The following ORC3 variants were observed in gnomAD, a reference collection of about 807,000 sequenced individuals.
ORC3 encodes the protein homolog of latheo, Drosophila.
In ORC3, 78 loss-of-function variants were observed where a neutral mutation model predicts 100.7. The ratio of observed to expected loss-of-function variants is 0.77; its 90% confidence interval spans 0.65 to 0.94. ORC3 has a LOEUF of 0.94. ORC3 is among the 40% of genes least tolerant of loss of function. The pLI is 0.00. For missense variants in ORC3, 789 were observed against 823.9 expected (o/e 0.96, Z 0.52); for synonymous variants, 295 against 289.3 (o/e 1.02, Z -0.20).
At chr6:87,659,150 G>A (rs1010650933) in intron 16 of ORC3, among the ~76,000 whole-genome samples, 6 of 139,852 alleles carry the variant, frequency 4.3e-5, no homozygotes, top group Admixed American at 7.8e-5. Flanking sequence ...TGCAACCTCC[G>A]CCTCCCGGGT....
At chr6:87,620,727 C>T (rs924672646) in intron 9 of ORC3, among the ~76,000 whole-genome samples, 2 of 152,056 alleles carry the variant, frequency 1.3e-5, no homozygotes, top group African/African-American at 4.8e-5. Flanking sequence ...ACAAGATTAT[C>T]CAAACGTTCA....
chr6:87,610,554 T>A lies in ORC3; in HGVS notation c.713+1325T>A, dbSNP rs1165482903. On this transcript the variant is annotated intron_variant, in intron 7 of 19. Coordinates refer to ENST00000392844, the MANE Select transcript of ORC3 (RefSeq NM_012381.4). The stretch of plus-strand genomic sequence containing the variant: ...AATATACTTTATTTTTTTTTATTTT[T>A]TATTTTTTTTGAGACGGAGTCTCGC... Among the ~76,000 whole-genome samples the A allele has an allele frequency of 2.0e-5, 3 of 149,140 alleles. 1 individual carries two copies. The highest frequency in any genetic ancestry group is 7.6e-5 in the African/African-American group (3 of 39,626).
Position 87,649,950 on chromosome 6 carries a change from A to C in ORC3, c.1383-3166A>C, listed in dbSNP as rs1348506019. On this transcript the variant is annotated intron_variant, in intron 13 of 19. Coordinates refer to ENST00000392844, the MANE Select transcript of ORC3 (RefSeq NM_012381.4). ...TTAGTAGGTTTTGTTACCATTTTGA[A>C]CATGGGCTTTTTTTTCATTATGTAG... Among the ~76,000 whole-genome samples, 8 of 151,974 alleles carry C rather than the reference A, an allele frequency of 5.3e-5. No homozygotes were observed. The East Asian group carries it at 7.7e-4, about 15-fold the overall frequency.
intron 2 of ORC3, among the ~76,000 whole-genome samples, chr6:87,597,170 AATTC>A (rs1777510129): frequency 6.6e-6 from 1 of 152,174 alleles, no homozygotes; most frequent in African/African-American, 2.4e-5. Context: ...CTAAAAATAA[AATTC>A]ATTCATGTTT....
At chr6:87,641,132 C>T (rs377423653) in intron 13 of ORC3, among the ~76,000 whole-genome samples, 5 of 151,850 alleles carry the variant, frequency 3.3e-5, no homozygotes, top group African/African-American at 9.7e-5. Context: ...ATCAGAGCCT[C>T]AACTTAAAGG....
chr6:87,597,607 G>A (rs760291312), intron 2 of ORC3, among the ~76,000 whole-genome samples: 5 of 151,718 alleles, frequency 3.3e-5, no homozygotes, highest in Non-Finnish European at 7.4e-5. Flanking sequence ...CTATGCCACT[G>A]TTTGACTAAG....
chr6:87,629,145 G>C (rs1301377649), intron 11 of ORC3, among the ~76,000 whole-genome samples: 1 of 152,142 alleles, frequency 6.6e-6, no homozygotes, highest in African/African-American at 2.4e-5. Context: ...AACACTGCCA[G>C]CCAGCATTTT....
chr6:87,671,110 G>A (rs1347585349), downstream of ORC3, among the ~76,000 whole-genome samples: 1 of 152,120 alleles, frequency 6.6e-6, no homozygotes, highest in East Asian at 1.9e-4. Flanking sequence ...AGACCTTTGT[G>A]AAGTTTTACT....
intron 7 of ORC3, 181 bp downstream of exon 7, chr6:87,609,410 G>T (rs1778584691): frequency 2.0e-6 from 1 of 493,424 alleles, no homozygotes; most frequent in Non-Finnish European, 3.5e-6. Context: ...TTTGAGCCAA[G>T]AATGAGAATC....
intron 11 of ORC3, among the ~76,000 whole-genome samples, chr6:87,628,649 A>C (rs1198192851): frequency 6.6e-6 from 1 of 152,198 alleles, no homozygotes; most frequent in Non-Finnish European, 1.5e-5. Context: ...AGAGAAAGGA[A>C]GTGAAATATC....
intron 16 of ORC3, among the ~76,000 whole-genome samples, chr6:87,659,236 G>T (rs921262114): frequency 1.3e-5 from 2 of 151,506 alleles, no homozygotes; most frequent in Non-Finnish European, 2.9e-5. Flanking sequence ...GCTAATTTTT[G>T]TATTTTTAGT....
intron 13 of ORC3, among the ~76,000 whole-genome samples, chr6:87,648,704 T>C (rs1769003264): frequency 6.6e-6 from 1 of 152,204 alleles, no homozygotes; most frequent in African/African-American, 2.4e-5. Context: ...TTGATACACA[T>C]ATGTGGGTAT....
At chr6:87,636,582 A>G (rs1258737602) in intron 13 of ORC3, 96 bp downstream of exon 13, 4 of 732,040 alleles carry the variant, frequency 5.5e-6, no homozygotes, top group African/African-American at 1.8e-5. Flanking sequence ...AAAAAGTTTC[A>G]TAAATAGCCA....
intron 2 of ORC3, chr6:87,595,061 G>A (rs372140546): frequency 1.6e-4 from 24 of 152,216 alleles, no homozygotes; most frequent in African/African-American, 5.8e-4. Flanking sequence ...TAGAACTTAG[G>A]GCTTAGTAAC....
the ORC3 span, chr6:87,675,943 G>A: frequency 1.9e-6 from 3 of 1,602,426 alleles, no homozygotes; most frequent in South Asian, 1.1e-5. Flanking sequence ...TATAAATAAA[G>A]GTACTTGTCA....
At chr6:87,622,370 A>G (rs935250433) in intron 11 of ORC3, among the ~76,000 whole-genome samples, 3 of 152,148 alleles carry the variant, frequency 2.0e-5, no homozygotes, top group Non-Finnish European at 4.4e-5. Flanking sequence ...AGGCTGTGAT[A>G]AATAAAAGCA....
chr6:87,642,941 A>ATT (rs1768390821), intron 13 of ORC3, among the ~76,000 whole-genome samples: 1 of 92,514 alleles, frequency 1.1e-5, no homozygotes, highest in African/African-American at 5.3e-5. Context: ...TAAAATGAAA[A>ATT]ATAAAAATAG....
intron 16 of ORC3, among the ~76,000 whole-genome samples, chr6:87,662,005 G>GA (rs1273493241): frequency 6.6e-6 from 1 of 151,974 alleles, no homozygotes; most frequent in Non-Finnish European, 1.5e-5. Flanking sequence ...GCTCATAGGT[G>GA]AAAAAAATCC....
At chr6:87,651,442 T>G (rs1237292032) in intron 13 of ORC3, 1 of 348,096 alleles carries the variant, frequency 2.9e-6, no homozygotes, top group Non-Finnish European at 5.8e-6. Flanking sequence ...GTTAACTTTC[T>G]TCTCATAACT....
Sources: allele counts gnomAD v4.1 joint callset (sites outside exome capture counted in the v4.1 genomes callset), GRCh38; gene constraint gnomAD v4.1.1; transcripts MANE v1.5; gene names NCBI Gene and HGNC (gene_info 2026-07-23, HGNC 2026-07-21).